EPHB1: variants seen among roughly 807,000 people sequenced by gnomAD.
The protein encoded by EPHB1 is ephrin type-B receptor 1.
In EPHB1, 30 loss-of-function variants were observed where a neutral mutation model predicts 94.4. The ratio of observed to expected loss-of-function variants is 0.32; its 90% CI spans 0.24 to 0.43. EPHB1 has a LOEUF of 0.43. Among genes scored for constraint, EPHB1 ranks in the 20% least tolerant of loss-of-function variants. EPHB1 has a pLI of 1.00. For missense variants in EPHB1, 1,055 were observed against 1,308.3 expected, an observed-to-expected ratio of 0.81 and a Z score of 2.99; for synonymous variants, 522 against 489.1, an observed-to-expected ratio of 1.07 and a Z score of -0.89.
intron 6 of EPHB1, among the ~76,000 whole-genome samples, chr3:135,155,659 G>A (rs956468328): frequency 9.1e-5 from 13 of 142,962 alleles, no homozygotes; most frequent in Non-Finnish European, 1.8e-4. Flanking sequence ...CAAAAAATTA[G>A]CCAGGAGTGG....
intron 5 of EPHB1, among the ~76,000 whole-genome samples, chr3:135,149,152 T>C (rs1369129657): frequency 6.6e-6 from 1 of 152,232 alleles, no homozygotes; most frequent in Non-Finnish European, 1.5e-5. Flanking sequence ...TCTTTCCAAG[T>C]AACCCCAAAC....
intron 5 of EPHB1, among the ~76,000 whole-genome samples, chr3:135,148,698 T>C (rs1277554873): frequency 1.3e-5 from 2 of 152,368 alleles, no homozygotes; most frequent in East Asian, 1.9e-4. Context: ...GCTCTTCCTC[T>C]GCTGTATGTG....
chr3:134,826,024 G>A (rs2036471042), intron 1 of EPHB1, among the ~76,000 whole-genome samples: 3 of 150,530 alleles, frequency 2.0e-5, no homozygotes, highest in Admixed American at 6.6e-5. Flanking sequence ...GGTGGATCAC[G>A]AGGTCAGGAG....
At chr3:135,161,925 G>A in intron 6 of EPHB1, 93 bp from the exon 7 acceptor site, 6 of 1,386,590 alleles carry the variant, frequency 4.3e-6, no homozygotes, top group Non-Finnish European at 5.8e-6. Flanking sequence ...GCAGGACCAA[G>A]AAATGATGGG....
chr3:135,201,652 AG>A lies in EPHB1; in HGVS notation c.2311del (p.Asp771MetfsTer18). 1.2e-6 allele frequency: 2 copies of A among 1,613,960 alleles called. No homozygotes were observed. The highest frequency in any genetic ancestry group is 1.7e-6 in the Non-Finnish European group (2 of 1,179,980). On this transcript the variant is annotated frameshift_variant, in exon 12 of 16. Transcript: ENST00000398015. LOFTEE classifies it high-confidence loss of function. ...GACTTTGGCCTCTCCCGCTACCTCCAGGATGACACCTCAGATCCCACCTACA... is the reference window on the plus strand; with the variant it reads ...GACTTTGGCCTCTCCCGCTACCTCCAGATGACACCTCAGATCCCACCTACA... The part of the protein sequence containing the change: ...VSDFGLSRYL[Q>X]DDTSDPTYTS...
chr3:134,920,411 CTG>C (rs2038660092), intron 1 of EPHB1, among the ~76,000 whole-genome samples: 1 of 152,126 alleles, frequency 6.6e-6, no homozygotes, highest in Non-Finnish European at 1.5e-5. Context: ...TTAAAGAGTT[CTG>C]TGGGCTGTGG....
At chr3:135,103,430 A>T (rs1412613216) in intron 3 of EPHB1, among the ~76,000 whole-genome samples, 1 of 152,226 alleles carries the variant, frequency 6.6e-6, no homozygotes, top group Non-Finnish European at 1.5e-5. Flanking sequence ...GAATTCTAAA[A>T]GTCCCTGCAA....
chr3:134,858,827 GTGGGT>G (rs2037181628), intron 1 of EPHB1, among the ~76,000 whole-genome samples: 1 of 152,236 alleles, frequency 6.6e-6, no homozygotes, highest in Non-Finnish European at 1.5e-5. Context: ...CAGCCCCACA[GTGGGT>G]CCCCAGAGCC....
At chr3:134,925,721 C>G in intron 1 of EPHB1, 95 bp from the exon 2 acceptor site, 1 of 1,023,968 alleles carries the variant, frequency 9.8e-7, no homozygotes, top group East Asian at 2.8e-5. Flanking sequence ...CTGTCATTTA[C>G]TATCACAAAC....
intron 7 of EPHB1, 72 bp downstream of exon 7, chr3:135,162,252 C>A: frequency 2.8e-6 from 4 of 1,439,068 alleles, no homozygotes; most frequent in Non-Finnish European, 1.8e-6. Context: ...CCCAAAGATG[C>A]TGCACTAGCC....
intron 1 of EPHB1, among the ~76,000 whole-genome samples, chr3:134,916,375 G>A (rs1036547965): frequency 1.6e-4 from 24 of 152,334 alleles, no homozygotes; most frequent in Admixed American, 3.9e-4. Flanking sequence ...GCCCTTGGGC[G>A]GTCGATGGGA....
At chr3:135,203,956 G>C (rs1285923110) in intron 12 of EPHB1, among the ~76,000 whole-genome samples, 1 of 151,988 alleles carries the variant, frequency 6.6e-6, no homozygotes, top group African/African-American at 2.4e-5. Context: ...GAAAAATGAT[G>C]CCTCATTTTT....
intron 1 of EPHB1, among the ~76,000 whole-genome samples, chr3:134,811,242 G>GTGTTTTTT (rs750299099): frequency 2.7e-5 from 2 of 73,850 alleles, no homozygotes; most frequent in Non-Finnish European, 5.5e-5. Context: ...TACTAAGAAG[G>GTGTTTTTT]TTTTTTTTTT....
chr3:134,894,658 T>A (rs79940277), intron 1 of EPHB1, among the ~76,000 whole-genome samples: 1,808 of 152,324 alleles, frequency 0.012, 36 homozygotes, highest in African/African-American at 0.041. Flanking sequence ...GGCTCTGATA[T>A]AGCAGACCAG....
chr3:134,906,687 T>A (rs891738053), intron 1 of EPHB1, among the ~76,000 whole-genome samples: 2 of 152,210 alleles, frequency 1.3e-5, no homozygotes, highest in Non-Finnish European at 2.9e-5. Flanking sequence ...GCCTAACATA[T>A]GAAGTTTGCC....
intron 3 of EPHB1, among the ~76,000 whole-genome samples, chr3:134,975,482 C>G (rs1346504333): frequency 6.6e-6 from 1 of 152,100 alleles, no homozygotes; most frequent in Non-Finnish European, 1.5e-5. Flanking sequence ...GGCCACAGCT[C>G]CTGACACTCT....
chr3:134,986,856 AT>A (rs1211735179), intron 3 of EPHB1, among the ~76,000 whole-genome samples: 2 of 152,190 alleles, frequency 1.3e-5, no homozygotes, highest in Admixed American at 6.5e-5. Flanking sequence ...GAATTTAAAC[AT>A]TTAAGGATTC....
intron 3 of EPHB1, among the ~76,000 whole-genome samples, chr3:135,023,535 A>G (rs1936047257): frequency 6.6e-6 from 1 of 152,234 alleles, no homozygotes; most frequent in East Asian, 1.9e-4. Context: ...GTTGAGAATC[A>G]GTGCAATAGA....
chr3:134,960,273 A>C (rs935658225), intron 3 of EPHB1, among the ~76,000 whole-genome samples: 1 of 152,056 alleles, frequency 6.6e-6, no homozygotes, highest in Non-Finnish European at 1.5e-5. Flanking sequence ...GAAGGAATGC[A>C]CCTCAAACAC....
Sources: gnomAD v4.1 joint callset for allele counts (sites outside exome capture counted in the v4.1 genomes callset) on GRCh38, gnomAD v4.1.1 for gene constraint, MANE v1.5 for transcripts, NCBI Gene and HGNC (gene_info 2026-07-23, HGNC 2026-07-21) for gene names.